The following UST variants were observed in gnomAD, a reference collection of about 807,000 sequenced individuals.
UST encodes chondroitin sulfate 2-O-sulfotransferase.
In UST, 21 loss-of-function variants were observed where a neutral mutation model predicts 45.6. The ratio of observed to expected loss-of-function variants is 0.46; its 90% CI spans 0.33 to 0.66. The LOEUF (loss-of-function observed/expected upper bound fraction) is 0.66. Ranked by LOEUF, UST falls within the 30% of genes least tolerant of loss-of-function variation. The probability of loss-of-function intolerance (pLI) is 0.02; values close to 1 mark genes in which losing one functional copy is unlikely to be tolerated. For missense variants in UST, 463 were observed against 512.4 expected (o/e 0.90, Z 0.93); for synonymous variants, 215 against 200.6 (o/e 1.07, Z -0.61).
chr6:148,821,341 A>G (rs965224114), intron 1 of UST, among the ~76,000 whole-genome samples: 1 of 151,902 alleles, frequency 6.6e-6, no homozygotes, highest in Non-Finnish European at 1.5e-5. Flanking sequence ...GTAGTGTTGG[A>G]TGTTTCCTCA....
intron 2 of UST, among the ~76,000 whole-genome samples, chr6:148,925,053 C>T (rs888059386): frequency 1.1e-4 from 16 of 152,274 alleles, no homozygotes; most frequent in East Asian, 3.9e-4. Context: ...CTTTCACTGA[C>T]GTTTGATGGA....
chr6:148,955,021 A>G (rs1177133010), intron 4 of UST, among the ~76,000 whole-genome samples: 2 of 152,260 alleles, frequency 1.3e-5, no homozygotes, highest in East Asian at 3.8e-4. Flanking sequence ...AATAGCTGAC[A>G]GATCACTGGA....
At chr6:148,767,305 A>T (rs1776341531) in intron 1 of UST, among the ~76,000 whole-genome samples, 1 of 152,248 alleles carries the variant, frequency 6.6e-6, no homozygotes, top group Non-Finnish European at 1.5e-5. Context: ...GTATTTCTTA[A>T]GTGAGAATCA....
At chr6:149,044,587 T>C (rs982298204) in intron 7 of UST, among the ~76,000 whole-genome samples, 1 of 152,206 alleles carries the variant, frequency 6.6e-6, no homozygotes, top group African/African-American at 2.4e-5. Context: ...TCAGCATCCG[T>C]AGGCTGAACT....
chr6:148,829,163 AT>A (rs1777634458), intron 1 of UST, among the ~76,000 whole-genome samples: 2 of 151,920 alleles, frequency 1.3e-5, no homozygotes, highest in East Asian at 3.9e-4. Context: ...GGATGGATGG[AT>A]GGATGGATGG....
intron 5 of UST, among the ~76,000 whole-genome samples, chr6:149,004,070 C>T (rs952370544): frequency 6.6e-6 from 1 of 152,090 alleles, no homozygotes; most frequent in Admixed American, 6.5e-5. Context: ...GAAAATAGAT[C>T]ATAGTATTTA....
rs192685336 is a variant in UST, at chr6:149,019,272, G to A, written c.779+36G>A. The A allele has an allele frequency of 1.4e-4, 209 of 1,534,220 alleles. 1 individual carries two copies. In the African/African-American group the frequency reaches 2.0e-3, roughly 15 times the overall value. On this transcript the variant is annotated intron_variant, in intron 6 of 7. Coordinates refer to ENST00000367463, the MANE Select transcript of UST (RefSeq NM_005715.3). Reference sequence around the variant, plus strand: ...AAGCAGGGTCATGGCATGCACGTACGCACAACAAGGGCAAGAACCCCACCA... The same window carrying A: ...AAGCAGGGTCATGGCATGCACGTACACACAACAAGGGCAAGAACCCCACCA...
At position 149,075,693 on chromosome 6, in the gene UST, G is replaced by A. The variant is rs147347009; in HGVS notation, c.*1577G>A. On this transcript the variant is annotated 3_prime_UTR_variant, in exon 8 of 8. Coordinates refer to ENST00000367463, the MANE Select transcript of UST (RefSeq NM_005715.3). ...AAAATACACATTCTCCTGGGAAGAC[G>A]ATAAACAGCTAGCTAAGAAGCCGAG... 1.7e-4 allele frequency: 26 copies of A among 152,260 alleles called. No individual in the cohort carries two copies. Among genetic ancestry groups the A allele is most frequent in the African/African-American group, 5.8e-4 (24 of 41,544 alleles). 9.4% of individuals were successfully genotyped at this position (152,260 alleles called of 1,614,324 possible).
chr6:148,920,722 A>G (rs112557647), intron 2 of UST, among the ~76,000 whole-genome samples: 4,440 of 152,050 alleles, frequency 0.029, 231 homozygotes, highest in African/African-American at 0.1. Context: ...TAGAGATGAG[A>G]TTCCACCATG....
At chr6:148,995,994 T>C (rs949708369) in intron 5 of UST, among the ~76,000 whole-genome samples, 1 of 152,020 alleles carries the variant, frequency 6.6e-6, no homozygotes, top group Non-Finnish European at 1.5e-5. Context: ...GGGGGCAGAG[T>C]GGGGACAGAC....
chr6:149,058,252 G>A (rs1319885259), intron 7 of UST, among the ~76,000 whole-genome samples: 6 of 151,934 alleles, frequency 3.9e-5, no homozygotes, highest in Non-Finnish European at 2.9e-5. Flanking sequence ...CCAGAGTGAC[G>A]GTGTCAGCAA....
In UST at chr6:148,824,695, A is replaced by G. The variant is rs536853641; in HGVS notation, c.248-62291A>G. 3.6e-3 allele frequency among the ~76,000 whole-genome samples: 354 copies of G among 97,480 alleles called. 7 individuals carry two copies. The East Asian group carries it at 0.097, about 27-fold the overall frequency. 64.0% of individuals were successfully genotyped at this position (97,480 alleles called of 152,430 possible). ...CTTTCTTTTTTTTTTTTTTTTTATT[A>G]TACTCTAAGTTTTAGGGTACATGTG... On this transcript the variant is annotated intron_variant, in intron 1 of 7. Coordinates refer to ENST00000367463, the MANE Select transcript of UST (RefSeq NM_005715.3).
chr6:148,762,091 T>A (rs1462962688), intron 1 of UST, among the ~76,000 whole-genome samples: 1 of 152,168 alleles, frequency 6.6e-6, no homozygotes, highest in Non-Finnish European at 1.5e-5. Flanking sequence ...AGAGCAGAGA[T>A]CCAAGGCCTG....
intron 1 of UST, among the ~76,000 whole-genome samples, chr6:148,812,704 AAG>A (rs989113924): frequency 6.6e-6 from 1 of 151,790 alleles, no homozygotes; most frequent in Non-Finnish European, 1.5e-5. Context: ...TGATGAGAGA[AAG>A]AGAGAGAGAG....
intron 4 of UST, among the ~76,000 whole-genome samples, chr6:148,957,973 G>A (rs1451051522): frequency 6.6e-6 from 1 of 152,188 alleles, no homozygotes; most frequent in Non-Finnish European, 1.5e-5. Context: ...CAAGCAGACT[G>A]TAAGGATGAA....
At chr6:148,994,636 A>G (rs1167206494) in intron 5 of UST, among the ~76,000 whole-genome samples, 3 of 152,310 alleles carry the variant, frequency 2.0e-5, no homozygotes, top group African/African-American at 7.2e-5. Context: ...CACCAGGCGG[A>G]TATTCACCTC....
chr6:149,043,011 C>CTT (rs759894588), intron 7 of UST, among the ~76,000 whole-genome samples: 26 of 105,720 alleles, frequency 2.5e-4, no homozygotes, highest in African/African-American at 4.0e-4. Context: ...TTCTTTCTTT[C>CTT]TTTCTTTCTT....
intron 1 of UST, among the ~76,000 whole-genome samples, chr6:148,797,942 A>C (rs1776983490): frequency 6.6e-6 from 1 of 152,084 alleles, no homozygotes; most frequent in Non-Finnish European, 1.5e-5. Context: ...ACACCAGTGT[A>C]CTCCATTAAG....
chr6:148,764,919 C>G (rs1776292077), intron 1 of UST, among the ~76,000 whole-genome samples: 3 of 152,148 alleles, frequency 2.0e-5, no homozygotes, highest in African/African-American at 4.8e-5. Context: ...CTGCAGGAGA[C>G]TAGGGTGTGT....
Sources: gnomAD v4.1 joint callset for allele counts (sites outside exome capture counted in the v4.1 genomes callset) on GRCh38, gnomAD v4.1.1 for gene constraint, MANE v1.5 for transcripts, NCBI Gene and HGNC (gene_info 2026-07-23, HGNC 2026-07-21) for gene names.